GATAD2B: variants seen among roughly 807,000 people sequenced by gnomAD.
GATAD2B encodes GATA zinc finger domain containing 2B, also known as transcriptional repressor p66-beta.
In GATAD2B, 8 loss-of-function variants were observed where a neutral mutation model predicts 64.3. That is an observed-to-expected ratio of 0.12 (90% CI 0.07 to 0.22). GATAD2B has a LOEUF of 0.22. Among genes scored for constraint, GATAD2B ranks in the 10% least tolerant of loss-of-function variants. The pLI, the probability that GATAD2B is intolerant of heterozygous loss-of-function variation, is 1.00. For missense variants in GATAD2B, 453 were observed against 752.0 expected, an observed-to-expected ratio of 0.60 and a Z score of 4.65; for synonymous variants, 281 against 271.3, an observed-to-expected ratio of 1.04 and a Z score of -0.35.
At chr1:153,830,234 C>T (rs1444333966) in intron 1 of GATAD2B, among the ~76,000 whole-genome samples, 1 of 152,024 alleles carries the variant, frequency 6.6e-6, no homozygotes, top group African/African-American at 2.4e-5. Flanking sequence ...GCAACCTCTG[C>T]CTCCCAGGTT....
chr1:153,905,231 C>T (rs1380518645), intron 1 of GATAD2B, among the ~76,000 whole-genome samples: 2 of 151,858 alleles, frequency 1.3e-5, no homozygotes, highest in African/African-American at 4.8e-5. Context: ...AACAATTAGC[C>T]GGGCGTGGTG....
At chr1:153,922,465 C>A (rs1678481537) in intron 1 of GATAD2B, among the ~76,000 whole-genome samples, 1 of 142,434 alleles carries the variant, frequency 7.0e-6, no homozygotes, top group Non-Finnish European at 1.5e-5. Context: ...AGTGAAAGAC[C>A]GGGTCGCGCG....
chr1:153,830,818 C>G (rs895026511), intron 1 of GATAD2B, among the ~76,000 whole-genome samples: 1 of 152,130 alleles, frequency 6.6e-6, no homozygotes, highest in African/African-American at 2.4e-5. Context: ...CTCTATCACC[C>G]AGGCTAGGGT....
chr1:153,919,785 A>G (rs1678372928), intron 1 of GATAD2B, among the ~76,000 whole-genome samples: 3 of 152,318 alleles, frequency 2.0e-5, no homozygotes, highest in Admixed American at 2.0e-4. Flanking sequence ...TTTACAGTCA[A>G]TCTGGGTGTG....
At chr1:153,880,881 T>A (rs1676987840) in intron 1 of GATAD2B, among the ~76,000 whole-genome samples, 1 of 152,052 alleles carries the variant, frequency 6.6e-6, no homozygotes, top group Non-Finnish European at 1.5e-5. Flanking sequence ...GGACAGTTAC[T>A]ACTTCTACTA....
intron 7 of GATAD2B, among the ~76,000 whole-genome samples, chr1:153,813,903 G>A (rs1005914371): frequency 6.6e-6 from 1 of 152,172 alleles, no homozygotes; most frequent in African/African-American, 2.4e-5. Context: ...GCTTGAACCT[G>A]GGAAGTAGAG....
At chr1:153,843,225 C>G (rs1675559856) in intron 1 of GATAD2B, among the ~76,000 whole-genome samples, 1 of 151,708 alleles carries the variant, frequency 6.6e-6, no homozygotes, top group South Asian at 2.1e-4. Context: ...ACCTTGACCT[C>G]CTGGGCTCAA....
Position 153,871,077 on chromosome 1 carries a change from G to GT in GATAD2B, c.-1-42730dup, listed in dbSNP as rs199840760. Among the ~76,000 whole-genome samples the GT allele has an allele frequency of 8.1e-3, 1,191 of 147,100 alleles. 18 individuals carry two copies. Among genetic ancestry groups the GT allele is most frequent in the East Asian group, 0.026 (129 of 5,008 alleles). ...CCACGCCTGGTGTTTTTTGTTTTTT[G>GT]TTTTTTTTTGAGACAGTCTCGCTCT... On this transcript the variant is annotated intron_variant, in intron 1 of 10. Coordinates refer to ENST00000368655, the MANE Select transcript of GATAD2B (RefSeq NM_020699.4).
chr1:153,869,522 G>C (rs1676591670), intron 1 of GATAD2B, among the ~76,000 whole-genome samples: 1 of 152,078 alleles, frequency 6.6e-6, no homozygotes. Context: ...GCCATTGAAA[G>C]CTCCTTCAAG....
chr1:153,886,322 A>T (rs1220580849), intron 1 of GATAD2B: 1 of 152,204 alleles, frequency 6.6e-6, no homozygotes, highest in Non-Finnish European at 1.5e-5. Context: ...AAACCTATAT[A>T]GTATAGTCTG....
intron 1 of GATAD2B, among the ~76,000 whole-genome samples, chr1:153,837,625 T>A (rs572418053): frequency 1.3e-5 from 2 of 152,140 alleles, no homozygotes; most frequent in Non-Finnish European, 2.9e-5. Flanking sequence ...AAATCCAACA[T>A]AACTGATTAC....
At chr1:153,831,720 T>C (rs758746368) in intron 1 of GATAD2B, among the ~76,000 whole-genome samples, 3 of 152,186 alleles carry the variant, frequency 2.0e-5, no homozygotes, top group Admixed American at 1.3e-4. Flanking sequence ...TATAGACCAC[T>C]ACCCTAACTC....
At chr1:153,856,020 C>T (rs1676073524) in intron 1 of GATAD2B, among the ~76,000 whole-genome samples, 1 of 152,156 alleles carries the variant, frequency 6.6e-6, no homozygotes, top group East Asian at 1.9e-4. Context: ...AGAGGAAAAT[C>T]CATTGTCCTG....
intron 1 of GATAD2B, among the ~76,000 whole-genome samples, chr1:153,910,361 C>T (rs945073761): frequency 3.9e-5 from 6 of 152,170 alleles, no homozygotes; most frequent in South Asian, 2.1e-4. Context: ...AGAAACTGTA[C>T]TTCAAGTACA....
At chr1:153,911,017 A>G (rs1678095538) in intron 1 of GATAD2B, among the ~76,000 whole-genome samples, 6 of 152,190 alleles carry the variant, frequency 3.9e-5, no homozygotes, top group Admixed American at 3.3e-4. Flanking sequence ...GTAGAGAAAT[A>G]TATCTCTAAA....
rs757864430 is a variant in GATAD2B, at chr1:153,819,754, A to T, written c.336-19T>A. On this transcript the variant is annotated intron_variant, in intron 2 of 10. Transcript: ENST00000368655. ...TGGCTCACTAGACAAGAAAGGGAAA[A>T]AATAAGCTATTTCCAACAAAAGTTA... The T allele has an allele frequency of 1.0e-5, 16 of 1,574,864 alleles. No individual in the cohort carries two copies. Among genetic ancestry groups the T allele is most frequent in the Middle Eastern group, 3.4e-4 (2 of 5,896 alleles).
chr1:153,873,981 C>T lies in GATAD2B; in HGVS notation c.-1-45633G>A, dbSNP rs575063305. Among the ~76,000 whole-genome samples, 14 of 150,010 alleles carry T rather than the reference C, an allele frequency of 9.3e-5. No homozygotes were observed. In the South Asian group the frequency reaches 1.7e-3, roughly 18 times the overall value. On this transcript the variant is annotated intron_variant, in intron 1 of 10. Transcript: ENST00000368655. ...AAAGAAAGAAAGGTAGGGAGGGGAC[C>T]GGGTGCGGTGGCTCATGCCTATAAT... is the stretch of plus-strand genomic sequence containing the variant.
intron 1 of GATAD2B, among the ~76,000 whole-genome samples, chr1:153,849,718 C>T (rs965530359): frequency 1.3e-5 from 2 of 152,188 alleles, no homozygotes; most frequent in African/African-American, 4.8e-5. Context: ...GCAACCCCCT[C>T]CTTCCGGTTT....
At position 153,816,649 on chromosome 1, in the gene GATAD2B, T is replaced by A; in HGVS notation, c.901-61A>T. On this transcript the variant is annotated intron_variant, in intron 6 of 10. Coordinates refer to ENST00000368655, the MANE Select transcript of GATAD2B (RefSeq NM_020699.4). This position sits in a 1 kb window ranked among gnomAD's most constrained non-coding sequence, Gnocchi z 4.9. Reference sequence around the variant, plus strand: ...GCAGGAGAAAGGGCCAATTCTTACGTTCTTGGCAGAGGACACTGTCTGATC... The same window carrying A: ...GCAGGAGAAAGGGCCAATTCTTACGATCTTGGCAGAGGACACTGTCTGATC... The A allele has an allele frequency of 1.8e-6, 2 of 1,128,972 alleles. No homozygotes were observed. The highest frequency in any genetic ancestry group is 2.7e-5 in the South Asian group (2 of 74,166). The allele number at this position is 1,128,972 out of a possible 1,614,324, so 69.9% of individuals were successfully genotyped here.
Sources: gnomAD v4.1 joint callset for allele counts (sites outside exome capture counted in the v4.1 genomes callset) on GRCh38, gnomAD v4.1.1 for gene constraint, Gnocchi (gnomAD v3.1) non-coding constraint, MANE v1.5 for transcripts, NCBI Gene and HGNC (gene_info 2026-07-23, HGNC 2026-07-21) for gene names.